The following PYGM variants were observed in gnomAD, a reference collection of about 807,000 sequenced individuals.
PYGM encodes glycogen phosphorylase, muscle form.
Under a neutral mutation model 99.3 loss-of-function variants are expected in PYGM, and 81 were observed. The observed-to-expected ratio is 0.82, with a 90% CI of 0.68 to 0.98. PYGM has a LOEUF of 0.98. PYGM is among the 50% of genes least tolerant of loss of function. The probability of loss-of-function intolerance (pLI) is 0.00; values close to 1 mark genes in which losing one functional copy is unlikely to be tolerated. For synonymous variants in PYGM, 436 were observed against 451.5 expected, an observed-to-expected ratio of 0.97 and a Z score of 0.44; for missense variants, 1,030 against 1,158.1, an observed-to-expected ratio of 0.89 and a Z score of 1.61.
Position 64,746,713 on chromosome 11 carries a change from G to A in PYGM, c.2475C>T (p.Ile825=). ...GCTGGCGGGAAGGCTCCACACCCCA[G>A]ATCTCCCGGGCATACTGGGCAATGG... The part of the protein sequence containing the change: ...DRTIAQYARE[I]WGVEPSRQRL... Residue 825 remains isoleucine (I), a synonymous_variant, in exon 20 of 20, where the codon ATC becomes ATT. Coordinates refer to ENST00000164139, the MANE Select transcript of PYGM (RefSeq NM_005609.4). The A allele has an allele frequency of 6.2e-7, 1 of 1,614,204 alleles. No individual in the cohort carries two copies. The highest frequency in any genetic ancestry group is 8.5e-7 in the Non-Finnish European group (1 of 1,180,034).
Position 64,753,613 on chromosome 11 carries a change from C to T in PYGM, c.1309G>A (p.Val437Met). The change falls in exon 11 of 20, where the codon GTG becomes ATG. Residue 437 changes from valine (V) to methionine (M), a missense_variant. Physicochemically the swap from Val to Met is conservative, Grantham distance 21. Transcript: ENST00000164139. Reference protein sequence around the residue: ...RRMSLVEEGAVKRINMAHLCI... With the variant: ...RRMSLVEEGAMKRINMAHLCI... ...AGGTGTGCCATGTTGATGCGCTTCA[C>T]TGCGCCCTCCTCCACCAGCGACATG... 3.1e-6 allele frequency: 5 copies of T among 1,608,772 alleles called. No individual in the cohort carries two copies. The highest frequency in any genetic ancestry group is 4.2e-6 in the Non-Finnish European group (5 of 1,179,340).
At chr11:64,751,545 A>C in intron 15 of PYGM, 52 bp downstream of exon 15, 1 of 1,614,086 alleles carries the variant, frequency 6.2e-7, no homozygotes, top group South Asian at 1.1e-5. Context: ...GGCTGACCTC[A>C]ACCTGGATAT....
chr11:64,747,259 G>C lies in PYGM; in HGVS notation c.2277C>G (p.Phe759Leu). ...GCATGAGCATATTGACAATGTCCTT[G>C]AACAGGTCGGGCTGTTTGGGGGAGA... The part of the protein sequence containing the change: ...GFFSPKQPDL[F>L]KDIVNMLMHH... The change falls in exon 18 of 20, where the codon TTC (phenylalanine) becomes TTG (leucine). Residue 759 changes from phenylalanine (F) to leucine (L), a missense_variant. Physicochemically the swap from Phe to Leu is conservative, Grantham distance 22. Transcript: ENST00000164139. The C allele has an allele frequency of 6.2e-7, 1 of 1,614,160 alleles. No homozygotes were observed. The highest frequency in any genetic ancestry group is 8.5e-7 in the Non-Finnish European group (1 of 1,179,974).
At chr11:64,753,843 TCACCCCCA>T in intron 10 of PYGM, 28 bp downstream of exon 10, 1 of 1,126,576 alleles carries the variant, frequency 8.9e-7, no homozygotes, top group South Asian at 1.3e-5. Context: ...GTGTCCCCCC[TCACCCCCA>T]CACCATCCCC....
At position 64,750,537 on chromosome 11, in the gene PYGM, A is replaced by G. The variant is rs1270749944; in HGVS notation, c.2016T>C (p.Thr672=). 55 of 1,613,862 alleles carry G rather than the reference A, an allele frequency of 3.4e-5. No individual in the cohort carries two copies. The highest frequency in any genetic ancestry group is 1.2e-4 in the African/African-American group (9 of 74,876). Residue 672 remains threonine, a synonymous_variant, in exon 17 of 20, where the codon ACT becomes ACC. Transcript: ENST00000164139. ...TCATGTTGCCGGTGCCTGAGGCTTC[A>G]GTGCCCGCAGTGGAGATCTGCTCAG... ...DLSEQISTAG[T]EASGTGNMKF... is the part of the protein sequence containing the mutation.
In PYGM at chr11:64,753,111, C is replaced by T. The variant is rs1408827992; in HGVS notation, c.1480G>A (p.Val494Ile). 1.2e-6 allele frequency: 2 copies of T among 1,614,006 alleles called. No individual in the cohort carries two copies. The highest frequency in any genetic ancestry group is 1.7e-6 in the Non-Finnish European group (2 of 1,179,970). ...TCTGCCAGCCCGGGGTTACACAGAA[C>T]CAGCCAGCGCCGAGGGGTGATGCCG... ...TNGITPRRWL[V>I]LCNPGLAEVI... The change falls in exon 12 of 20, where the codon GTT (valine) becomes ATT (isoleucine). Residue 494 changes from valine to isoleucine, a missense_variant. Coordinates refer to ENST00000164139, the MANE Select transcript of PYGM (RefSeq NM_005609.4).
In PYGM at chr11:64,750,324, C is replaced by A; in HGVS notation, c.2177+52G>T. 2.5e-6 allele frequency: 4 copies of A among 1,604,966 alleles called. No individual in the cohort carries two copies. In the South Asian group the frequency reaches 4.4e-5, roughly 18 times the overall value. On this transcript the variant is annotated intron_variant, in intron 17 of 19. Coordinates refer to ENST00000164139, the MANE Select transcript of PYGM (RefSeq NM_005609.4). ...CGTGCCGCTTGCTCCCAGCACCACT[C>A]TCCAGCAGCCACACCTGGGTGTCTT...
chr11:64,753,950 C>T lies in PYGM; in HGVS notation c.1168G>A (p.Val390Met). The change falls in exon 10 of 20, where the codon GTG (valine) becomes ATG (methionine). Residue 390 changes from valine to methionine, a missense_variant. Coordinates refer to ENST00000164139, the MANE Select transcript of PYGM (RefSeq NM_005609.4). ...GGCAGCAGCGTCTCCAAGAGGTGCACCGGCCAGCGCTCCAGGGCCTCGGGC... is the reference window on the plus strand; with the variant it reads ...GGCAGCAGCGTCTCCAAGAGGTGCATCGGCCAGCGCTCCAGGGCCTCGGGC... ...VLPEALERWPVHLLETLLPRH... is the reference protein window; with the variant it reads ...VLPEALERWPMHLLETLLPRH... The T allele has an allele frequency of 6.2e-7, 1 of 1,602,558 alleles. No homozygotes were observed. The highest frequency in any genetic ancestry group is 8.5e-7 in the Non-Finnish European group (1 of 1,174,476).
rs1488380653 is a variant in PYGM at position 64,755,963 on chromosome 11, G to T, written c.661-405C>A. On this transcript the variant is annotated intron_variant, in intron 5 of 19. Coordinates refer to ENST00000164139, the MANE Select transcript of PYGM (RefSeq NM_005609.4). This position sits in a 1 kb window ranked among gnomAD's most constrained non-coding sequence, Gnocchi z 4.1. ...GGGAACCCAGGGCCAGGCTGAAGGGGTCACAGAGGTCAAGTCCATCCAAAG... is the reference window on the plus strand; with the variant it reads ...GGGAACCCAGGGCCAGGCTGAAGGGTTCACAGAGGTCAAGTCCATCCAAAG... Among the ~76,000 whole-genome samples the T allele has an allele frequency of 6.6e-6, 1 of 152,226 alleles. No homozygotes were observed. The highest frequency in any genetic ancestry group is 1.5e-5 in the Non-Finnish European group (1 of 68,034).
At chr11:64,760,427 C>T (rs893071594), upstream of PYGM, 12 of 177,550 alleles carry the variant, frequency 6.8e-5, no homozygotes, top group East Asian at 1.4e-4. Context: ...AAGGGGCCCA[C>T]GACCCTGCAT....
chr11:64,752,575 T>G, intron 12 of PYGM, 71 bp from the exon 13 acceptor site: 1 of 1,462,264 alleles, frequency 6.8e-7, no homozygotes, highest in South Asian at 1.2e-5. Context: ...AGGGGCCATT[T>G]CCAGGTCAGC....
intron 13 of PYGM, 26 bp from the exon 14 acceptor site, chr11:64,752,097 C>T: frequency 6.2e-7 from 1 of 1,613,934 alleles, no homozygotes; most frequent in South Asian, 1.1e-5. Context: ...GGGAAGGGCT[C>T]ACCAACAGGC....
At chr11:64,751,267 C>T in intron 16 of PYGM, 58 bp downstream of exon 16, 1 of 1,609,436 alleles carries the variant, frequency 6.2e-7, no homozygotes, top group Middle Eastern at 1.7e-4. Flanking sequence ...CGACTGATAC[C>T]TCTTCCTGAG....
chr11:64,750,721 GCCT>G (rs959690688), intron 16 of PYGM, 138 bp from the exon 17 acceptor site: 20 of 775,264 alleles, frequency 2.6e-5, no homozygotes, highest in Admixed American at 1.7e-4. Context: ...CACCAGCCAA[GCCT>G]CCCTCTCACA....
intron 17 of PYGM, among the ~76,000 whole-genome samples, chr11:64,749,087 C>T (rs1157135648): frequency 6.6e-6 from 1 of 151,828 alleles, no homozygotes; most frequent in Non-Finnish European, 1.5e-5. Context: ...GTGGCTCACC[C>T]CTGTAAGCCC....
chr11:64,750,632 A>G (rs1463815841), intron 16 of PYGM, 49 bp from the exon 17 acceptor site: 1 of 1,573,948 alleles, frequency 6.4e-7, no homozygotes, highest in South Asian at 1.1e-5. Flanking sequence ...AGACCCTCAC[A>G]CCAGCTGGGG....
chr11:64,751,258 G>A (rs1322307592), intron 16 of PYGM, 67 bp downstream of exon 16: 5 of 1,592,332 alleles, frequency 3.1e-6, no homozygotes, highest in South Asian at 2.2e-5. Flanking sequence ...AGGAAGAGAC[G>A]ACTGATACCT....
At position 64,754,902 on chromosome 11, in the gene PYGM, T is replaced by C. The variant is rs1420859209; in HGVS notation, c.856-66A>G. The C allele has an allele frequency of 1.8e-5, 29 of 1,594,588 alleles. No homozygotes were observed. In the Admixed American group the frequency reaches 4.8e-4, roughly 26 times the overall value. On this transcript the variant is annotated intron_variant, in intron 7 of 19. Coordinates refer to ENST00000164139, the MANE Select transcript of PYGM (RefSeq NM_005609.4). This position sits in a 1 kb window ranked among gnomAD's most constrained non-coding sequence, Gnocchi z 5.5. ...GCATGGCCTAAAGCTGCGGTGGGTG[T>C]GGCCAGGAGGGACTCCCACCCATAC...
In PYGM at chr11:64,751,940, G is replaced by A. The variant is rs1482354392; in HGVS notation, c.1752C>T (p.Val584=). 1 of 1,614,200 alleles carries A rather than the reference G, an allele frequency of 6.2e-7. No homozygotes were observed. ...YKRQLLNCLH[V]ITLYNRIKRE... Reference sequence around the variant, plus strand: ...GCCACTCACGGTTGTACAGGGTGATGACATGGAGGCAGTTGAGGAGCTGTC... The same window carrying A: ...GCCACTCACGGTTGTACAGGGTGATAACATGGAGGCAGTTGAGGAGCTGTC... The change falls in exon 14 of 20, where the codon GTC becomes GTT. Residue 584 remains valine, a synonymous_variant. Coordinates refer to ENST00000164139, the MANE Select transcript of PYGM (RefSeq NM_005609.4).
Sources: allele counts gnomAD v4.1 joint callset (sites outside exome capture counted in the v4.1 genomes callset), GRCh38; gene constraint gnomAD v4.1.1; non-coding constraint Gnocchi (gnomAD v3.1); transcripts MANE v1.5; gene names NCBI Gene and HGNC (gene_info 2026-07-23, HGNC 2026-07-21).